Variants in GSE1 observed in about 807,000 individuals in gnomAD.
GSE1 encodes Gse1 coiled-coil protein, also known as genetic suppressor element 1.
Under a neutral mutation model 112.6 loss-of-function variants are expected in GSE1, and 32 were observed. That is an observed-to-expected ratio of 0.28 (90% confidence interval 0.21 to 0.38). The LOEUF (loss-of-function observed/expected upper bound fraction) is 0.38, where lower values mean the gene tolerates loss of function less well. Ranked by LOEUF, GSE1 falls within the 10% of genes least tolerant of loss-of-function variation. The pLI is 1.00. For synonymous variants in GSE1, 1,115 were observed against 735.6 expected, an observed-to-expected ratio of 1.52 and a Z score of -8.35; for missense variants, 2,348 against 1,699.2, an observed-to-expected ratio of 1.38 and a Z score of -6.71.
intron 1 of GSE1, among the ~76,000 whole-genome samples, chr16:85,256,652 G>A (rs1907114095): frequency 6.6e-6 from 1 of 152,226 alleles, no homozygotes; most frequent in Admixed American, 6.5e-5. Context: ...ATCCCTGCCT[G>A]AACACACCCA....
At chr16:85,498,935 C>G (rs1043305665) in intron 2 of GSE1, among the ~76,000 whole-genome samples, 2 of 152,222 alleles carry the variant, frequency 1.3e-5, no homozygotes, top group Non-Finnish European at 2.9e-5. Flanking sequence ...TTGCACAGAC[C>G]GGGGAGAGAA....
chr16:85,468,934 C>G (rs1423503280), intron 2 of GSE1, among the ~76,000 whole-genome samples: 2 of 152,138 alleles, frequency 1.3e-5, no homozygotes, highest in East Asian at 3.9e-4. Context: ...TTAATTAAGC[C>G]TCTTGAGCTA....
At chr16:85,315,925 TG>T (rs944365346) in intron 1 of GSE1, among the ~76,000 whole-genome samples, 3 of 144,888 alleles carry the variant, frequency 2.1e-5, no homozygotes, top group African/African-American at 7.9e-5. Context: ...GAAGCCCTAG[TG>T]GGAGGGGGGG....
intron 2 of GSE1, among the ~76,000 whole-genome samples, chr16:85,536,492 G>A (rs754402879): frequency 1.1e-4 from 17 of 152,216 alleles, no homozygotes; most frequent in African/African-American, 3.4e-4. Flanking sequence ...TGTGTGGGCC[G>A]CGGGCAGGGC....
chr16:85,634,988 C>T (rs61729474), intron 2 of GSE1, among the ~76,000 whole-genome samples: 13,821 of 152,128 alleles, frequency 0.091, 745 homozygotes, highest in African/African-American at 0.13. Flanking sequence ...CAGTGGCATC[C>T]GCTTCATTCA....
At chr16:85,369,758 G>A (rs2047256484) in intron 2 of GSE1, among the ~76,000 whole-genome samples, 1 of 152,208 alleles carries the variant, frequency 6.6e-6, no homozygotes, top group South Asian at 2.1e-4. Context: ...TCCCTGGCTG[G>A]GCTGAGCTGG....
At chr16:85,480,707 C>T (rs2050648099) in intron 2 of GSE1, among the ~76,000 whole-genome samples, 1 of 152,072 alleles carries the variant, frequency 6.6e-6, no homozygotes, top group African/African-American at 2.4e-5. Context: ...CAGGGGTGGC[C>T]AAGGTCCCTG....
At chr16:85,516,069 C>A (rs74031829) in intron 2 of GSE1, among the ~76,000 whole-genome samples, 1 of 152,142 alleles carries the variant, frequency 6.6e-6, no homozygotes, top group Admixed American at 6.5e-5. Context: ...GTAGTGGCAT[C>A]CCTGGTCTTC....
At chr16:85,314,897 G>A (rs2045955638) in intron 1 of GSE1, among the ~76,000 whole-genome samples, 1 of 152,180 alleles carries the variant, frequency 6.6e-6, no homozygotes, top group Non-Finnish European at 1.5e-5. Flanking sequence ...GCCGTGTGTT[G>A]ATCAAGTGAC....
At chr16:85,477,985 C>T (rs1284710894) in intron 2 of GSE1, among the ~76,000 whole-genome samples, 3 of 152,200 alleles carry the variant, frequency 2.0e-5, no homozygotes, top group East Asian at 3.9e-4. Context: ...GTTCCCGTCA[C>T]TCCAGAAAGA....
At chr16:85,576,639 G>T (rs1290990786) in intron 1 of GSE1, among the ~76,000 whole-genome samples, 1 of 152,204 alleles carries the variant, frequency 6.6e-6, no homozygotes, top group East Asian at 1.9e-4. Context: ...TATGTTATGG[G>T]TATTACGGGG....
intron 2 of GSE1, among the ~76,000 whole-genome samples, chr16:85,378,166 G>T (rs1292202500): frequency 6.6e-6 from 1 of 152,214 alleles, no homozygotes; most frequent in Admixed American, 6.5e-5. Flanking sequence ...CAGGGCTGAG[G>T]AGGGCAGTGG....
chr16:85,478,590 T>C (rs1486262412), intron 2 of GSE1, among the ~76,000 whole-genome samples: 2 of 151,898 alleles, frequency 1.3e-5, no homozygotes, highest in African/African-American at 4.8e-5. Context: ...CTTCAGTTGG[T>C]GGCCATGTGG....
intron 2 of GSE1, among the ~76,000 whole-genome samples, chr16:85,481,629 G>C (rs747684469): frequency 6.6e-6 from 1 of 152,218 alleles, no homozygotes; most frequent in Non-Finnish European, 1.5e-5. Context: ...GGAAGTGCTT[G>C]ATGTGGTCAC....
intron 1 of GSE1, among the ~76,000 whole-genome samples, chr16:85,321,206 T>G (rs2046100261): frequency 6.6e-6 from 1 of 152,212 alleles, no homozygotes; most frequent in African/African-American, 2.4e-5. Flanking sequence ...CAACTCCATC[T>G]GTAGCCTGAG....
Position 85,661,323 on chromosome 16 carries a change from C to T in GSE1, c.1818C>T (p.His606=). ...ETRRAESHSL[H]SHPAAFEPSR... ...GGCGGGCCGAAAGCCACTCTCTGCA[C>T]AGCCACCCGGCTGCATTTGAGCCCA... The change falls in exon 9 of 16, where the codon CAC becomes CAT. Residue 606 remains histidine (H), a synonymous_variant. Transcript: ENST00000253458. The T allele has an allele frequency of 1.2e-6, 2 of 1,612,604 alleles. No homozygotes were observed. Among genetic ancestry groups the T allele is most frequent in the African/African-American group, 1.3e-5 (1 of 75,066 alleles).
chr16:85,325,837 A>G (rs1249850025), intron 1 of GSE1, among the ~76,000 whole-genome samples: 2 of 151,492 alleles, frequency 1.3e-5, no homozygotes, highest in Admixed American at 1.3e-4. Flanking sequence ...GCTCACTGCA[A>G]CCTCCGCCTC....
intron 2 of GSE1, among the ~76,000 whole-genome samples, chr16:85,462,541 T>C (rs1158027215): frequency 6.6e-6 from 1 of 151,888 alleles, no homozygotes; most frequent in Admixed American, 6.5e-5. Flanking sequence ...TTCTGCAAAC[T>C]TGATGCTCGG....
intron 1 of GSE1, among the ~76,000 whole-genome samples, chr16:85,264,940 G>C (rs151238391): frequency 2.6e-5 from 4 of 152,150 alleles, no homozygotes; most frequent in African/African-American, 9.7e-5. Flanking sequence ...TGGCCTCTCC[G>C]TGCCTCAGTT....
Sources: gnomAD v4.1 joint callset for allele counts (sites outside exome capture counted in the v4.1 genomes callset) on GRCh38, gnomAD v4.1.1 for gene constraint, MANE v1.5 for transcripts, NCBI Gene and HGNC (gene_info 2026-07-23, HGNC 2026-07-21) for gene names.